The following TACC2 variants were observed in gnomAD, a reference collection of about 807,000 sequenced individuals.
The protein encoded by TACC2 is transforming acidic coiled-coil-containing protein 2.
A neutral mutation model predicts 227.3 loss-of-function variants in TACC2; 137 were observed. The ratio of observed to expected loss-of-function variants is 0.60; its 90% CI spans 0.52 to 0.69. TACC2 has a LOEUF of 0.69. Ranked by LOEUF, TACC2 falls within the 30% of genes least tolerant of loss-of-function variation. The pLI, the probability that TACC2 is intolerant of heterozygous loss-of-function variation, is 0.00. For synonymous variants in TACC2, 1,523 were observed against 1,487.5 expected, an observed-to-expected ratio of 1.02 and a Z score of -0.55; for missense variants, 3,470 against 3,694.4, an observed-to-expected ratio of 0.94 and a Z score of 1.57.
chr10:122,127,158 C>G (rs901262283), intron 5 of TACC2: 1 of 159,556 alleles, frequency 6.3e-6, no homozygotes, highest in Non-Finnish European at 1.4e-5. Flanking sequence ...CAATACATCT[C>G]TGTTGTTCAT....
chr10:122,207,239 T>G (rs963912904), intron 8 of TACC2, among the ~76,000 whole-genome samples: 1 of 150,762 alleles, frequency 6.6e-6, no homozygotes, highest in Admixed American at 6.6e-5. Flanking sequence ...GTGGAGGTTG[T>G]AGTGAGCTGA....
intron 2 of TACC2, among the ~76,000 whole-genome samples, chr10:122,039,466 G>C (rs1047926134): frequency 6.6e-6 from 1 of 152,080 alleles, no homozygotes; most frequent in Non-Finnish European, 1.5e-5. Context: ...AGAAAAAGGC[G>C]TGGGAATTGG....
chr10:122,061,294 A>AAG (rs2136423202), intron 3 of TACC2, among the ~76,000 whole-genome samples: 1 of 151,034 alleles, frequency 6.6e-6, no homozygotes, highest in South Asian at 2.1e-4. Flanking sequence ...TCAAAAAAAA[A>AAG]AAAAAAAAAA....
At chr10:122,229,249 T>C in intron 14 of TACC2, 97 bp from the exon 15 acceptor site, 2 of 1,464,568 alleles carry the variant, frequency 1.4e-6, no homozygotes, top group Non-Finnish European at 1.9e-6. Flanking sequence ...AAGGCAAAAA[T>C]GTCCAGCAAA....
chr10:122,229,463 C>T lies in TACC2; in HGVS notation c.8014C>T (p.Pro2672Ser), dbSNP rs1436876678. ...LEPDLAEKNP[P>S]LFAQKLQEEL... ...GCCCGACTTAGCAGAAAAGAACCCC[C>T]CACTATTCGCTCAGAAACTCCAGGT... Residue 2672 changes from proline to serine, a missense_variant, in exon 15 of 23, where the codon CCA (proline) becomes TCA (serine). Around this residue, in one of 10 missense-constraint regions of TACC2, gnomAD observed 345 missense variants for 354.4 expected, o/e 0.97. Coordinates refer to ENST00000369005, the MANE Select transcript of TACC2 (RefSeq NM_206862.4). 6.2e-7 allele frequency: 1 copy of T among 1,614,022 alleles called. No homozygotes were observed. Among genetic ancestry groups the T allele is most frequent in the South Asian group, 1.1e-5 (1 of 91,050 alleles).
chr10:122,156,761 T>C (rs527963363), intron 7 of TACC2, among the ~76,000 whole-genome samples: 4 of 152,152 alleles, frequency 2.6e-5, no homozygotes, highest in Non-Finnish European at 5.9e-5. Flanking sequence ...AGGTTTGCAG[T>C]TTTGCTTTCT....
rs780809477 is a variant in TACC2 at position 122,083,051 on chromosome 10, A to C, written c.551A>C (p.Gln184Pro). ...GRERQPKEEG[Q>P]KSSFSFSSGI... ...GAGAGACAGCCGAAGGAAGAAGGACAGAAGTCCTCCTTCTCCTTCTCCAGT... is the reference window on the plus strand; with the variant it reads ...GAGAGACAGCCGAAGGAAGAAGGACCGAAGTCCTCCTTCTCCTTCTCCAGT... The change falls in exon 4 of 23, where the codon CAG becomes CCG. Residue 184 changes from glutamine to proline, a missense_variant. Physicochemically the swap from Gln to Pro is moderately conservative, Grantham distance 76. Around this residue, in one of 10 missense-constraint regions of TACC2, gnomAD observed 405 missense variants for 389.6 expected, o/e 1.04. Transcript: ENST00000369005. 6.2e-7 allele frequency: 1 copy of C among 1,612,624 alleles called. No homozygotes were observed. The highest frequency in any genetic ancestry group is 2.2e-5 in the East Asian group (1 of 44,862).
intron 5 of TACC2, among the ~76,000 whole-genome samples, chr10:122,099,125 C>T (rs1324221691): frequency 1.3e-5 from 2 of 152,192 alleles, no homozygotes; most frequent in Non-Finnish European, 2.9e-5. Context: ...GCTGTGAGCC[C>T]ATTCCAAACC....
At chr10:122,185,552 C>G (rs1391185460) in intron 7 of TACC2, among the ~76,000 whole-genome samples, 1 of 152,232 alleles carries the variant, frequency 6.6e-6, no homozygotes, top group Non-Finnish European at 1.5e-5. Flanking sequence ...TGCCCCTTCT[C>G]ATTTAATTTG....
intron 6 of TACC2, among the ~76,000 whole-genome samples, chr10:122,134,689 T>C (rs950965960): frequency 6.6e-6 from 1 of 152,194 alleles, no homozygotes; most frequent in East Asian, 1.9e-4. Context: ...GGCCTCTGGC[T>C]GTAGCCAATG....
intron 1 of TACC2, among the ~76,000 whole-genome samples, chr10:121,994,418 C>T (rs1953183576): frequency 6.6e-6 from 1 of 152,210 alleles, no homozygotes; most frequent in Non-Finnish European, 1.5e-5. Flanking sequence ...GTGAGAAGCA[C>T]AGAGAGCTGG....
chr10:122,211,721 G>T lies in TACC2; in HGVS notation c.7283+13G>T. The T allele has an allele frequency of 6.5e-7, 1 of 1,532,322 alleles. No homozygotes were observed. Among genetic ancestry groups the T allele is most frequent in the African/African-American group, 1.4e-5 (1 of 72,000 alleles). The allele number at this position is 1,532,322 out of a possible 1,614,324, so 94.9% of individuals were successfully genotyped here. On this transcript the variant is annotated intron_variant, in intron 9 of 22. Coordinates refer to ENST00000369005, the MANE Select transcript of TACC2 (RefSeq NM_206862.4). ...CGCCCCTAAAGACGTAAGTTCAGGG[G>T]TGGAGGTGGTAAGGATCAGAGGCGG...
intron 3 of TACC2, chr10:122,052,084 G>C (rs2075765012): frequency 6.6e-6 from 1 of 152,094 alleles, no homozygotes; most frequent in Non-Finnish European, 1.5e-5. Flanking sequence ...TTTCATCAGG[G>C]TCACAGGACA....
At chr10:122,018,650 T>C (rs1260948037) in intron 1 of TACC2, among the ~76,000 whole-genome samples, 1 of 152,206 alleles carries the variant, frequency 6.6e-6, no homozygotes, top group Non-Finnish European at 1.5e-5. Context: ...CTATGACCTT[T>C]TGTGCCTGGC....
chr10:122,053,255 C>A (rs932905270), intron 3 of TACC2, among the ~76,000 whole-genome samples: 3 of 152,108 alleles, frequency 2.0e-5, no homozygotes, highest in African/African-American at 7.2e-5. Flanking sequence ...ATGTGGATAG[C>A]AGCAGGTAAA....
chr10:122,136,543 G>GTATATATATATATATATATATATATATA (rs747076679), intron 6 of TACC2, among the ~76,000 whole-genome samples: 2 of 143,290 alleles, frequency 1.4e-5, no homozygotes, highest in Non-Finnish European at 3.0e-5. Context: ...TTGTGTGTGT[G>GTATATATATATATATATATATATATATA]TGTATATATA....
chr10:122,143,626 A>G lies in TACC2; in HGVS notation c.5754A>G (p.Ile1918Met). Residue 1918 changes from isoleucine to methionine, a missense_variant, in exon 7 of 23, where the codon ATA becomes ATG. Coordinates refer to ENST00000369005, the MANE Select transcript of TACC2 (RefSeq NM_206862.4). ...TTCCTCCCTCGGCTGCAGAACACAT[A>G]GTTTCGCCATCTGCCCCAGCTGGTG... ...AGLPPSAAEHIVSPSAPAGDR... is the reference protein window; with the variant it reads ...AGLPPSAAEHMVSPSAPAGDR... 6.2e-7 allele frequency: 1 copy of G among 1,614,050 alleles called. No individual in the cohort carries two copies. The highest frequency in any genetic ancestry group is 8.5e-7 in the Non-Finnish European group (1 of 1,179,944).
intron 21 of TACC2, 119 bp from the exon 22 acceptor site, chr10:122,249,425 C>A: frequency 1.4e-6 from 2 of 1,401,682 alleles, no homozygotes; most frequent in Non-Finnish European, 2.0e-6. Context: ...TGTGCTCCAG[C>A]TCCAGTTGGT....
chr10:122,042,821 A>G (rs1457150148), intron 2 of TACC2, among the ~76,000 whole-genome samples: 1 of 152,236 alleles, frequency 6.6e-6, no homozygotes, highest in Non-Finnish European at 1.5e-5. Flanking sequence ...CTGCCTGCTC[A>G]TTCTTAAACC....
Sources: allele counts gnomAD v4.1 joint callset (sites outside exome capture counted in the v4.1 genomes callset), GRCh38; gene constraint gnomAD v4.1.1; regional missense constraint gnomAD v4.1.1; transcripts MANE v1.5; gene names NCBI Gene and HGNC (gene_info 2026-07-23, HGNC 2026-07-21).